PACS1: variants seen among roughly 807,000 people sequenced by gnomAD.
PACS1 encodes the protein PACS-1.
In PACS1, 24 loss-of-function variants were observed where a neutral mutation model predicts 115.0. The ratio of observed to expected loss-of-function variants is 0.21; its 90% CI spans 0.15 to 0.29. The LOEUF (loss-of-function observed/expected upper bound fraction) is 0.29, where lower values mean the gene tolerates loss of function less well. PACS1 is among the 10% of genes least tolerant of loss of function. The pLI is 1.00. For missense variants in PACS1, 838 were observed against 1,251.2 expected (o/e 0.67, Z 4.98); for synonymous variants, 453 against 504.5 (o/e 0.90, Z 1.37).
chr11:66,238,671 T>G, intron 19 of PACS1, 133 bp from the exon 20 acceptor site: 1 of 854,242 alleles, frequency 1.2e-6, no homozygotes, highest in Non-Finnish European at 1.9e-6. Flanking sequence ...CAGCCCAGAT[T>G]TGCAAAGATT....
chr11:66,215,324 C>T (rs922493770), intron 4 of PACS1, among the ~76,000 whole-genome samples: 2 of 150,324 alleles, frequency 1.3e-5, no homozygotes, highest in Non-Finnish European at 3.0e-5. Context: ...GACCTTAGGC[C>T]AAATGCAGTG....
At chr11:66,138,268 A>T (rs571638634) in intron 1 of PACS1, among the ~76,000 whole-genome samples, 26 of 151,716 alleles carry the variant, frequency 1.7e-4, no homozygotes, top group South Asian at 4.2e-4. Flanking sequence ...ATTAAAAAAA[A>T]TTTTTTTACA....
chr11:66,227,011 T>G (rs1413933349), intron 10 of PACS1, among the ~76,000 whole-genome samples: 2 of 152,252 alleles, frequency 1.3e-5, no homozygotes, highest in African/African-American at 4.8e-5. Flanking sequence ...TTCTGCTTAG[T>G]ATATCCTGTT....
chr11:66,144,304 AT>A (rs1859068731), intron 1 of PACS1, among the ~76,000 whole-genome samples: 1 of 152,248 alleles, frequency 6.6e-6, no homozygotes, highest in Non-Finnish European at 1.5e-5. Flanking sequence ...GTACAGCACT[AT>A]GAACCATTTC....
At chr11:66,140,458 C>T (rs1359426076) in intron 1 of PACS1, among the ~76,000 whole-genome samples, 1 of 152,170 alleles carries the variant, frequency 6.6e-6, no homozygotes, top group African/African-American at 2.4e-5. Flanking sequence ...GTGGACCTCC[C>T]AGACTCAGGC....
chr11:66,205,651 A>G (rs980759907), intron 2 of PACS1, among the ~76,000 whole-genome samples: 1 of 148,478 alleles, frequency 6.7e-6, no homozygotes, highest in African/African-American at 2.5e-5. Flanking sequence ...TCACTACAAT[A>G]CTCTTAATTT....
rs1234421264 is a variant in PACS1, at chr11:66,230,912, G to A, written c.1598G>A (p.Arg533His). 3.7e-6 allele frequency: 6 copies of A among 1,614,084 alleles called. No homozygotes were observed. Among genetic ancestry groups the A allele is most frequent in the East Asian group, 2.2e-5 (1 of 44,884 alleles). ...SERTNSSDSE[R>H]SPDLGHSTQI... The stretch of plus-strand genomic sequence containing the variant: ...AGGACCAACAGTTCCGACAGCGAGC[G>A]CTCCCCAGATCTGGGCCACAGCACG... The change falls in exon 13 of 24, where the codon CGC becomes CAC. Residue 533 changes from arginine (R) to histidine (H), a missense_variant. Arg to His is a conservative substitution (Grantham distance 29). Transcript: ENST00000320580.
chr11:66,202,743 ATATATATATATATATATATAT>A lies in PACS1; in HGVS notation c.445-7618_445-7598del, dbSNP rs1414577453. Among the ~76,000 whole-genome samples, 8 of 58,958 alleles carry A rather than the reference ATATATATATATATATATATAT, an allele frequency of 1.4e-4. 1 individual carries two copies. Among genetic ancestry groups the A allele is most frequent in the African/African-American group, 2.3e-4 (3 of 13,332 alleles). 38.7% of individuals were successfully genotyped at this position (58,958 alleles called of 152,430 possible). A position where few individuals can be genotyped will look rare whatever the true frequency, so the allele number is the denominator to read the frequency against. ...ATCTCTAGGAAAAAAAAAAAAAAAA[ATATATATATATATATATATAT>A]ATATATATATATATATATTCTGAAA... On this transcript the variant is annotated intron_variant, in intron 2 of 23. Transcript: ENST00000320580.
In PACS1 at chr11:66,190,486, C is replaced by T. The variant is rs567709682; in HGVS notation, c.357-3000C>T. On this transcript the variant is annotated intron_variant, in intron 1 of 23. Coordinates refer to ENST00000320580, the MANE Select transcript of PACS1 (RefSeq NM_018026.4). ...TGTCACCCAGGCTGGAGTGCAATGG[C>T]GCAATCTTGGCTCACTGCAGCCTCC... Among the ~76,000 whole-genome samples, 210 of 152,208 alleles carry T rather than the reference C, an allele frequency of 1.4e-3. 1 individual carries two copies. The highest frequency in any genetic ancestry group is 4.1e-3 in the African/African-American group (172 of 41,522).
At chr11:66,162,919 T>G (rs1247439416) in intron 1 of PACS1, among the ~76,000 whole-genome samples, 1 of 152,232 alleles carries the variant, frequency 6.6e-6, no homozygotes, top group Non-Finnish European at 1.5e-5. Flanking sequence ...AAAATGACCC[T>G]TTTTATTTGG....
At chr11:66,152,636 A>G (rs1334266574) in intron 1 of PACS1, among the ~76,000 whole-genome samples, 1 of 152,222 alleles carries the variant, frequency 6.6e-6, no homozygotes, top group Non-Finnish European at 1.5e-5. Flanking sequence ...TTTGCAGCTC[A>G]TGAGTGTGAC....
chr11:66,071,549 T>C (rs528105658), intron 1 of PACS1, among the ~76,000 whole-genome samples: 5 of 152,370 alleles, frequency 3.3e-5, no homozygotes, highest in Admixed American at 1.3e-4. Context: ...TTTCCTTCCA[T>C]TGGCAAAATA....
At chr11:66,074,939 G>GTTT (rs1565097222) in intron 1 of PACS1, among the ~76,000 whole-genome samples, 1 of 64,348 alleles carries the variant, frequency 1.6e-5, no homozygotes, top group South Asian at 6.7e-4. Flanking sequence ...TTTTTTTTTG[G>GTTT]TGTTTTTTTT....
At chr11:66,133,306 A>G (rs527897) in intron 1 of PACS1, among the ~76,000 whole-genome samples, 102,925 of 152,074 alleles carry the variant, frequency 0.68, 36,171 homozygotes, top group Non-Finnish European at 0.76. Context: ...GTTTTGCAAG[A>G]TAGAGCACTA....
At chr11:66,179,781 T>C (rs1275834702) in intron 1 of PACS1, among the ~76,000 whole-genome samples, 1 of 152,362 alleles carries the variant, frequency 6.6e-6, no homozygotes, top group East Asian at 1.9e-4. Flanking sequence ...TTAAGTGCCC[T>C]TTAACAGTTA....
intron 1 of PACS1, among the ~76,000 whole-genome samples, chr11:66,156,195 T>C (rs1859349501): frequency 7.4e-6 from 1 of 135,446 alleles, no homozygotes; most frequent in Admixed American, 7.6e-5. Flanking sequence ...AGTTGTTTCA[T>C]TTTTTAAATT....
At chr11:66,169,155 C>T (rs1269065992) in intron 1 of PACS1, among the ~76,000 whole-genome samples, 1 of 150,430 alleles carries the variant, frequency 6.6e-6, no homozygotes, top group Non-Finnish European at 1.5e-5. Flanking sequence ...TAATGTTTCA[C>T]TATTAAAGTG....
chr11:66,098,901 C>T (rs1857846170), intron 1 of PACS1, among the ~76,000 whole-genome samples: 1 of 152,216 alleles, frequency 6.6e-6, no homozygotes, highest in South Asian at 2.1e-4. Flanking sequence ...CTCAGCACAT[C>T]ACATCAAGGG....
At chr11:66,242,108 A>C (rs545441453) in intron 22 of PACS1, among the ~76,000 whole-genome samples, 41 of 152,324 alleles carry the variant, frequency 2.7e-4, no homozygotes, top group African/African-American at 9.1e-4. Context: ...AGGGGCATAC[A>C]GTCCATTCTG....
Sources: gnomAD v4.1 joint callset for allele counts (sites outside exome capture counted in the v4.1 genomes callset) on GRCh38, gnomAD v4.1.1 for gene constraint, MANE v1.5 for transcripts, NCBI Gene and HGNC (gene_info 2026-07-23, HGNC 2026-07-21) for gene names.